The following FRAS1 variants were observed in gnomAD, a reference collection of about 807,000 sequenced individuals.
FRAS1 encodes the protein Fraser extracellular matrix complex subunit 1.
Under a neutral mutation model 435.2 loss-of-function variants are expected in FRAS1, and 290 were observed. The ratio of observed to expected loss-of-function variants is 0.67; its 90% confidence interval spans 0.61 to 0.73. FRAS1 has a LOEUF of 0.73. FRAS1 is among the 30% of genes least tolerant of loss of function. The pLI, the probability that FRAS1 is intolerant of heterozygous loss-of-function variation, is 0.00. For missense variants in FRAS1, 4,860 were observed against 5,001.5 expected (o/e 0.97, Z 0.85); for synonymous variants, 1,800 against 1,851.0 (o/e 0.97, Z 0.71).
At chr4:78,142,605 A>G (rs1720242193) in intron 2 of FRAS1, among the ~76,000 whole-genome samples, 1 of 152,178 alleles carries the variant, frequency 6.6e-6, no homozygotes, top group Non-Finnish European at 1.5e-5. Flanking sequence ...TCAGAGATAC[A>G]GGAAAGGACG....
At chr4:78,262,931 G>A (rs4859920) in intron 6 of FRAS1, among the ~76,000 whole-genome samples, 51,647 of 151,906 alleles carry the variant, frequency 0.34, 9,111 homozygotes, top group South Asian at 0.59. Context: ...TTATACCATC[G>A]TAGCACAAAA....
chr4:78,358,488 T>C (rs1278894161), intron 20 of FRAS1, among the ~76,000 whole-genome samples: 3 of 152,240 alleles, frequency 2.0e-5, no homozygotes, highest in Non-Finnish European at 4.4e-5. Context: ...CTATATATGA[T>C]ATGTGTAAGC....
intron 2 of FRAS1, among the ~76,000 whole-genome samples, chr4:78,215,336 C>T (rs1392811213): frequency 6.6e-6 from 1 of 152,076 alleles, no homozygotes; most frequent in Non-Finnish European, 1.5e-5. Flanking sequence ...GCTGGGACTA[C>T]AGGTGCATGC....
At chr4:78,482,608 C>A in intron 58 of FRAS1, 73 bp downstream of exon 58, 1 of 1,428,260 alleles carries the variant, frequency 7.0e-7, no homozygotes, top group Non-Finnish European at 9.7e-7. Context: ...ACATATGTGA[C>A]ATTGGAACTC....
chr4:78,365,156 G>A (rs1731215289), intron 22 of FRAS1, among the ~76,000 whole-genome samples: 1 of 152,168 alleles, frequency 6.6e-6, no homozygotes, highest in South Asian at 2.1e-4. Context: ...CTATTTTATA[G>A]ATAGGAAGAT....
intron 2 of FRAS1, among the ~76,000 whole-genome samples, chr4:78,094,202 C>T (rs994554807): frequency 2.8e-5 from 4 of 142,956 alleles, no homozygotes. Flanking sequence ...TCAAAGAACT[C>T]TAGGCCACAC....
chr4:78,536,975 A>G lies in FRAS1; in HGVS notation c.11093-20A>G. 4 of 1,600,782 alleles carry G rather than the reference A, an allele frequency of 2.5e-6. No individual in the cohort carries two copies. Among genetic ancestry groups the G allele is most frequent in the Non-Finnish European group, 3.4e-6 (4 of 1,168,328 alleles). ...TTCATCTTAAAGTCTGACCTAATTA[A>G]TACCTTTCAATCTTTTCAGGTCAAA... On this transcript the variant is annotated intron_variant, in intron 71 of 73. Coordinates refer to ENST00000512123, the MANE Select transcript of FRAS1 (RefSeq NM_025074.7).
chr4:78,115,670 G>A (rs889081069), intron 2 of FRAS1, among the ~76,000 whole-genome samples: 17 of 152,102 alleles, frequency 1.1e-4, no homozygotes, highest in Non-Finnish European at 2.2e-4. Flanking sequence ...GGGATAGGTG[G>A]TGATATCCAC....
At chr4:78,320,323 T>A (rs1388107981) in intron 18 of FRAS1, among the ~76,000 whole-genome samples, 2 of 152,216 alleles carry the variant, frequency 1.3e-5, no homozygotes, top group Admixed American at 1.3e-4. Flanking sequence ...CCAAGGCACA[T>A]GCCACACAGC....
In FRAS1 at chr4:78,461,805, A is replaced by G. The variant is rs115059240; in HGVS notation, c.6764-2216A>G. 9.0e-3 allele frequency among the ~76,000 whole-genome samples: 1,374 copies of G among 152,378 alleles called. 21 individuals carry two copies. The highest frequency in any genetic ancestry group is 0.032 in the African/African-American group (1,317 of 41,584). On this transcript the variant is annotated intron_variant, in intron 47 of 73. Transcript: ENST00000512123. ...TACAAAGATTTGCACACTAATAATC[A>G]TAGCAGCTTTATATATGGGGCATGC... is the stretch of plus-strand genomic sequence containing the variant.
Position 78,519,367 on chromosome 4 carries a change from G to T in FRAS1, c.10426G>T (p.Val3476Leu), listed in dbSNP as rs201963922. 9 of 1,594,338 alleles carry T rather than the reference G, an allele frequency of 5.6e-6. No homozygotes were observed. The Admixed American group carries it at 1.3e-4, about 23-fold the overall frequency. ...DSAQSFLTVH[V>L]PLYVSYIYVT... ...TGCCCAGTCCTTCTTGACAGTGCAC[G>T]TGCCTCTATATGTGTCCTACATCTA... The change falls in exon 67 of 74, where the codon GTG becomes TTG. Residue 3476 changes from valine (V) to leucine (L), a missense_variant. By Grantham distance (32) the Val-to-Leu change is conservative (BLOSUM62 1). Transcript: ENST00000512123.
In FRAS1 at chr4:78,511,284, G is replaced by A. The variant is rs1331948829; in HGVS notation, c.9791G>A (p.Ser3264Asn). ...FTSVNHMVLD[S>N]IYFSRRFHVR... ...TTTTCTTCCTGTTAGGTCCTGGACA[G>A]CATTTACTTCAGCCGGAGGTTCCAT... is the stretch of plus-strand genomic sequence containing the variant. The change falls in exon 64 of 74, where the codon AGC becomes AAC. Residue 3264 changes from serine (S) to asparagine (N), a missense_variant. Ser to Asn is a conservative substitution (Grantham distance 46, BLOSUM62 1). Transcript: ENST00000512123. 2 of 1,599,548 alleles carry A rather than the reference G, an allele frequency of 1.3e-6. No individual in the cohort carries two copies. Among genetic ancestry groups the A allele is most frequent in the East Asian group, 2.2e-5 (1 of 44,566 alleles).
intron 10 of FRAS1, 143 bp downstream of exon 10, chr4:78,278,887 G>C: frequency 1.6e-6 from 1 of 610,122 alleles, no homozygotes. Context: ...AGGCTCTGGG[G>C]ACACAGAAGG....
At chr4:78,126,594 A>T (rs1719370132) in intron 2 of FRAS1, among the ~76,000 whole-genome samples, 1 of 152,200 alleles carries the variant, frequency 6.6e-6, no homozygotes, top group African/African-American at 2.4e-5. Flanking sequence ...GAAATTCTTG[A>T]TATTCTTTGT....
At position 78,496,921 on chromosome 4, in the gene FRAS1, G is replaced by T; in HGVS notation, c.9075G>T (p.Lys3025Asn). 1 of 1,613,664 alleles carries T rather than the reference G, an allele frequency of 6.2e-7. No homozygotes were observed. Among genetic ancestry groups the T allele is most frequent in the South Asian group, 1.1e-5 (1 of 91,064 alleles). ...GNHWSGARIG[K>N]NNMATITISN... ...ACTGGAGTGGAGCTAGAATTGGAAA[G>T]AATAACATGGCCACCATCACCATAT... The change falls in exon 60 of 74, where the codon AAG becomes AAT. Residue 3025 changes from lysine (K) to asparagine (N), a missense_variant. Lys to Asn is a moderately conservative substitution (Grantham distance 94, BLOSUM62 0). Transcript: ENST00000512123.
At chr4:78,361,231 G>T (rs1731061121) in intron 20 of FRAS1, among the ~76,000 whole-genome samples, 1 of 152,202 alleles carries the variant, frequency 6.6e-6, no homozygotes, top group Non-Finnish European at 1.5e-5. Context: ...TGTAAGGAAG[G>T]CATAGGGAAG....
At position 78,401,453 on chromosome 4, in the gene FRAS1, C is replaced by A. The variant is rs116288927; in HGVS notation, c.4129+566C>A. Among the ~76,000 whole-genome samples, 417 of 152,270 alleles carry A rather than the reference C, an allele frequency of 2.7e-3. 3 individuals carry two copies. Among genetic ancestry groups the A allele is most frequent in the African/African-American group, 9.5e-3 (395 of 41,546 alleles). On this transcript the variant is annotated intron_variant, in intron 30 of 73. Transcript: ENST00000512123. ...TGACTTCCCAAGGATAGAGAGAAAT[C>A]TCCAGGTGCCAGCAACAAAGAGGAC...
intron 2 of FRAS1, among the ~76,000 whole-genome samples, chr4:78,187,169 T>C (rs142090002): frequency 6.6e-6 from 1 of 152,224 alleles, no homozygotes; most frequent in Non-Finnish European, 1.5e-5. Flanking sequence ...GCAAAGCTAC[T>C]TGTATGTTCT....
intron 67 of FRAS1, among the ~76,000 whole-genome samples, chr4:78,521,255 C>A (rs904147229): frequency 6.6e-6 from 1 of 151,504 alleles, no homozygotes; most frequent in Admixed American, 6.6e-5. Context: ...TTTGCTGAAC[C>A]CTGCATCTGG....
Sources: gnomAD v4.1 joint callset for allele counts (sites outside exome capture counted in the v4.1 genomes callset) on GRCh38, gnomAD v4.1.1 for gene constraint, MANE v1.5 for transcripts, NCBI Gene and HGNC (gene_info 2026-07-23, HGNC 2026-07-21) for gene names.